The following PTPN4 variants were observed in gnomAD, a reference collection of about 807,000 sequenced individuals.
PTPN4 encodes the protein protein tyrosine phosphatase non-receptor type 4, also known as tyrosine-protein phosphatase non-receptor type 4.
A neutral mutation model predicts 135.5 loss-of-function variants in PTPN4; 49 were observed. The observed-to-expected ratio is 0.36, with a 90% CI of 0.29 to 0.46. The LOEUF (loss-of-function observed/expected upper bound fraction) is 0.46. PTPN4 is among the 20% of genes least tolerant of loss of function. The pLI is 1.00. For missense variants in PTPN4, 860 were observed against 1,101.0 expected (o/e 0.78, Z 3.10); for synonymous variants, 333 against 369.9 (o/e 0.90, Z 1.14).
chr2:119,947,960 G>C (rs1679160668), intron 18 of PTPN4, among the ~76,000 whole-genome samples: 3 of 151,928 alleles, frequency 2.0e-5, no homozygotes, highest in Admixed American at 1.3e-4. Context: ...TAAACTCCTG[G>C]GATGTAAACC....
At chr2:119,850,126 C>T (rs903548490) in intron 2 of PTPN4, among the ~76,000 whole-genome samples, 3 of 152,232 alleles carry the variant, frequency 2.0e-5, no homozygotes, top group East Asian at 3.8e-4. Flanking sequence ...TCTCTATACT[C>T]GCTACCAAAT....
chr2:119,968,928 T>A (rs1208212894), intron 26 of PTPN4, among the ~76,000 whole-genome samples: 1 of 152,250 alleles, frequency 6.6e-6, no homozygotes, highest in African/African-American at 2.4e-5. Context: ...AATTATCTTT[T>A]GCACTGATTA....
At chr2:119,844,285 C>T (rs1205318030) in intron 2 of PTPN4, among the ~76,000 whole-genome samples, 2 of 139,694 alleles carry the variant, frequency 1.4e-5, no homozygotes, top group Admixed American at 6.9e-5. Context: ...GAGGGCTCAC[C>T]CCCCCACCTC....
intron 2 of PTPN4, among the ~76,000 whole-genome samples, chr2:119,856,547 C>T (rs943399137): frequency 2.0e-5 from 3 of 152,136 alleles, no homozygotes; most frequent in Admixed American, 6.5e-5. Flanking sequence ...GGGAATCCTA[C>T]GATGATGAGT....
At chr2:119,842,717 A>G (rs1677399706) in intron 2 of PTPN4, among the ~76,000 whole-genome samples, 1 of 152,200 alleles carries the variant, frequency 6.6e-6, no homozygotes, top group South Asian at 2.1e-4. Context: ...GAGAGGTCTC[A>G]TTTACTGTTT....
chr2:119,767,100 C>T (rs1412482476), intron 1 of PTPN4, among the ~76,000 whole-genome samples: 2 of 152,176 alleles, frequency 1.3e-5, no homozygotes, highest in South Asian at 2.1e-4. Flanking sequence ...TAGCTATGTA[C>T]CGTGTGTATA....
At chr2:119,765,677 A>C (rs746795170) in intron 1 of PTPN4, among the ~76,000 whole-genome samples, 12 of 152,250 alleles carry the variant, frequency 7.9e-5, no homozygotes, top group Non-Finnish European at 1.3e-4. Context: ...GTGGTAACAC[A>C]TGTCAACAAA....
chr2:119,873,331 AAAGAG>A (rs1677941112), intron 3 of PTPN4, among the ~76,000 whole-genome samples: 2 of 152,196 alleles, frequency 1.3e-5, no homozygotes, highest in African/African-American at 4.8e-5. Flanking sequence ...GCAGCAAGAG[AAAGAG>A]AAAAGTGACT....
In PTPN4 at chr2:119,809,827, TTTAAC is replaced by T. The variant is rs778179258; in HGVS notation, c.-17-6_-17-2del. 39 of 1,556,122 alleles carry T rather than the reference TTTAAC, an allele frequency of 2.5e-5. No individual in the cohort carries two copies. Among genetic ancestry groups the T allele is most frequent in the Non-Finnish European group, 3.2e-5 (37 of 1,156,898 alleles). ...CTTTTATTTAGTGAATTTTTTTTTT[TTTAAC>T]TTAGACTTTGTGTGGACAGTAATGA... On this transcript the variant is annotated splice_polypyrimidine_tract_variant and splice_region_variant and intron_variant, in intron 1 of 26. Transcript: ENST00000263708.
chr2:119,784,696 ATTTTTTT>A (rs58879330), intron 1 of PTPN4, among the ~76,000 whole-genome samples: 48 of 110,146 alleles, frequency 4.4e-4, no homozygotes, highest in South Asian at 9.2e-4. Context: ...TGCCCAGCTA[ATTTTTTT>A]TTTTTTTTTT....
intron 26 of PTPN4, among the ~76,000 whole-genome samples, chr2:119,969,695 A>C (rs938037886): frequency 6.6e-6 from 1 of 150,888 alleles, no homozygotes; most frequent in Non-Finnish European, 1.5e-5. Context: ...AGTAGCTGGG[A>C]CTACAGGCAC....
At chr2:119,844,501 T>G in intron 2 of PTPN4, among the ~76,000 whole-genome samples, 2 of 121,208 alleles carry the variant, frequency 1.7e-5, no homozygotes, top group Non-Finnish European at 1.7e-5. Context: ...TCAGACGGGG[T>G]GGTTGCCGGG....
chr2:119,780,430 C>T (rs1345906979), intron 1 of PTPN4, among the ~76,000 whole-genome samples: 1 of 152,168 alleles, frequency 6.6e-6, no homozygotes, highest in African/African-American at 2.4e-5. Context: ...TCTACCCTAA[C>T]CCCCCGCCAA....
chr2:119,916,040 G>GAA, intron 11 of PTPN4: 1 of 147,402 alleles, frequency 6.8e-6, no homozygotes, highest in Non-Finnish European at 1.5e-5. Context: ...AAAAAAAATG[G>GAA]AAAAAAAAAA....
intron 2 of PTPN4, among the ~76,000 whole-genome samples, chr2:119,844,752 G>A (rs1431414805): frequency 1.4e-5 from 2 of 142,504 alleles, no homozygotes; most frequent in African/African-American, 2.7e-5. Flanking sequence ...GGGCGGAGAC[G>A]CTCCTCACTT....
rs755795857 is a variant in PTPN4 at position 119,926,589 on chromosome 2, A to G, written c.1002-9A>G. ...AGACTTTATTGTTGTGCATATTTAT[A>G]TATTTCAGTGGGAGAACTGAAGTCC... On this transcript the variant is annotated splice_polypyrimidine_tract_variant and intron_variant, in intron 12 of 26. Coordinates refer to ENST00000263708, the MANE Select transcript of PTPN4 (RefSeq NM_002830.4). The G allele has an allele frequency of 1.3e-6, 2 of 1,566,820 alleles. No homozygotes were observed. The highest frequency in any genetic ancestry group is 1.7e-6 in the Non-Finnish European group (2 of 1,145,830).
chr2:119,788,980 T>C (rs1453935134), intron 1 of PTPN4, among the ~76,000 whole-genome samples: 8 of 152,198 alleles, frequency 5.3e-5, no homozygotes. Context: ...TTTTCATTTT[T>C]TGAGGAACAA....
In PTPN4 at chr2:119,978,224, C is replaced by T. The variant is rs1430751999; in HGVS notation, c.*1154C>T. 6.6e-6 allele frequency: 1 copy of T among 152,152 alleles called. No homozygotes were observed. Among genetic ancestry groups the T allele is most frequent in the African/African-American group, 2.4e-5 (1 of 41,442 alleles). The allele number at this position is 152,152 out of a possible 1,614,324, so 9.4% of individuals were successfully genotyped here. A position where few individuals can be genotyped will look rare whatever the true frequency, so the allele number is the denominator to read the frequency against. On this transcript the variant is annotated 3_prime_UTR_variant, in exon 27 of 27. Coordinates refer to ENST00000263708, the MANE Select transcript of PTPN4 (RefSeq NM_002830.4). ...ATCTAACATGCAGATTAATGTTAAA[C>T]ATATTGATAATCTAAGCTAAAGTTA...
intron 9 of PTPN4, among the ~76,000 whole-genome samples, chr2:119,894,231 A>G (rs949712232): frequency 2.0e-5 from 3 of 152,206 alleles, no homozygotes; most frequent in Non-Finnish European, 4.4e-5. Flanking sequence ...TTTTCGACAG[A>G]TCCATTAAAA....
Sources: allele counts gnomAD v4.1 joint callset (sites outside exome capture counted in the v4.1 genomes callset), GRCh38; gene constraint gnomAD v4.1.1; transcripts MANE v1.5; gene names NCBI Gene and HGNC (gene_info 2026-07-23, HGNC 2026-07-21).